WHRN: variants seen among roughly 807,000 people sequenced by gnomAD.
WHRN encodes CASK-interacting protein CIP98.
Under a neutral mutation model 68.3 loss-of-function variants are expected in WHRN, and 41 were observed. The ratio of observed to expected loss-of-function variants is 0.60; its 90% confidence interval spans 0.47 to 0.78. The LOEUF is 0.78. Ranked by LOEUF, WHRN falls within the 30% of genes least tolerant of loss-of-function variation. WHRN has a pLI of 0.00. For missense variants in WHRN, 1,243 were observed against 1,244.7 expected (o/e 1.00, Z 0.02); for synonymous variants, 560 against 561.3 (o/e 1.00, Z 0.03).
chr9:114,414,528 T>C (rs2132270814), intron 7 of WHRN, among the ~76,000 whole-genome samples: 1 of 152,298 alleles, frequency 6.6e-6, no homozygotes, highest in African/African-American at 2.4e-5. Context: ...CTTTGATAGC[T>C]TGGGAAGTCC....
At chr9:114,419,888 C>G (rs1836128391) in intron 7 of WHRN, among the ~76,000 whole-genome samples, 2 of 152,240 alleles carry the variant, frequency 1.3e-5, no homozygotes, top group South Asian at 4.1e-4. Flanking sequence ...AACCTGATGA[C>G]CTGGAAAGAC....
chr9:114,426,613 T>A (rs1283823224), intron 3 of WHRN, among the ~76,000 whole-genome samples, 200 bp from the exon 4 acceptor site: 1 of 152,192 alleles, frequency 6.6e-6, no homozygotes. Context: ...CCAGAGTCCA[T>A]GCTCTTGTCA....
At position 114,490,242 on chromosome 9, in the gene WHRN, T is replaced by C. The variant is rs150812211; in HGVS notation, c.619-11471A>G. On this transcript the variant is annotated intron_variant, in intron 1 of 11. Transcript: ENST00000362057. Reference sequence around the variant, plus strand: ...AAATGCAGCCCAACATAAGGATCATTAAACGCAATGACAACATACGTCAAA... The same window carrying C: ...AAATGCAGCCCAACATAAGGATCATCAAACGCAATGACAACATACGTCAAA... 6.3e-3 allele frequency among the ~76,000 whole-genome samples: 957 copies of C among 152,282 alleles called. 6 individuals carry two copies. Among genetic ancestry groups the C allele is most frequent in the African/African-American group, 0.022 (908 of 41,548 alleles).
chr9:114,409,159 C>T (rs1589070574), intron 7 of WHRN, among the ~76,000 whole-genome samples: 1 of 152,232 alleles, frequency 6.6e-6, no homozygotes, highest in African/African-American at 2.4e-5. Context: ...GCTACATCAA[C>T]ACTTGGCTGA....
intron 3 of WHRN, among the ~76,000 whole-genome samples, chr9:114,432,228 G>A (rs543844889): frequency 2.6e-5 from 4 of 152,216 alleles, no homozygotes; most frequent in African/African-American, 7.2e-5. Flanking sequence ...AGAGCACGGC[G>A]GGGCTTCAAT....
At chr9:114,503,617 C>T (rs2133463607) in intron 1 of WHRN, 1 of 153,386 alleles carries the variant, frequency 6.5e-6, no homozygotes, top group South Asian at 2.0e-4. Context: ...TTAGGGACCG[C>T]TTATTTGGTC....
chr9:114,491,834 G>C (rs1427306822), intron 1 of WHRN: 2 of 262,630 alleles, frequency 7.6e-6, no homozygotes, highest in Non-Finnish European at 1.5e-5. Context: ...GGGCCCACAA[G>C]TCCCAGCCCT....
At chr9:114,499,923 C>A (rs1843782208) in intron 1 of WHRN, among the ~76,000 whole-genome samples, 1 of 152,160 alleles carries the variant, frequency 6.6e-6, no homozygotes, top group Non-Finnish European at 1.5e-5. Flanking sequence ...GGTTCTATAT[C>A]TCTTTCATGT....
intron 1 of WHRN, among the ~76,000 whole-genome samples, chr9:114,488,047 G>C (rs1842685589): frequency 2.0e-5 from 3 of 152,204 alleles, no homozygotes; most frequent in Admixed American, 2.0e-4. Context: ...TGGTGTCTTA[G>C]GGTGCGAACT....
At chr9:114,446,582 A>C (rs989566054) in intron 3 of WHRN, among the ~76,000 whole-genome samples, 1 of 152,156 alleles carries the variant, frequency 6.6e-6, no homozygotes, top group African/African-American at 2.4e-5. Flanking sequence ...TACTTTCTGC[A>C]TGTGTTTGTG....
chr9:114,405,460 G>A (rs1474290467), intron 9 of WHRN, among the ~76,000 whole-genome samples: 1 of 152,192 alleles, frequency 6.6e-6, no homozygotes, highest in Non-Finnish European at 1.5e-5. Context: ...CTACTGGGAG[G>A]ATTAAATGAG....
intron 3 of WHRN, among the ~76,000 whole-genome samples, chr9:114,430,835 C>T (rs2132464810): frequency 6.6e-6 from 1 of 152,340 alleles, no homozygotes; most frequent in African/African-American, 2.4e-5. Flanking sequence ...CCTCTCCTGT[C>T]TCTTCTTCCT....
chr9:114,505,021 A>C lies in WHRN; in HGVS notation c.-220T>G. 2 of 571,254 alleles carry C rather than the reference A, an allele frequency of 3.5e-6. No individual in the cohort carries two copies. The highest frequency in any genetic ancestry group is 2.0e-5 in the African/African-American group (1 of 50,734). The allele number at this position is 571,254 out of a possible 1,614,324, so 35.4% of individuals were successfully genotyped here. A position where few individuals can be genotyped will look rare whatever the true frequency, so the allele number is the denominator to read the frequency against. Reference sequence around the variant, plus strand: ...AGACGGCGGGGGTCGCGAACCTGGAATCCGGGGGACGCGGAGACGTCGGCG... The same window carrying C: ...AGACGGCGGGGGTCGCGAACCTGGACTCCGGGGGACGCGGAGACGTCGGCG... On this transcript the variant is annotated 5_prime_UTR_variant, in exon 1 of 12. Transcript: ENST00000362057.
intron 3 of WHRN, among the ~76,000 whole-genome samples, chr9:114,439,839 G>GT (rs1432301557): frequency 6.6e-6 from 1 of 152,160 alleles, no homozygotes; most frequent in Admixed American, 6.5e-5. Flanking sequence ...TAAGAAAAAG[G>GT]TATGTCATGA....
rs1295366771 is a variant in WHRN, at chr9:114,466,256, C to G, written c.963+11G>C. On this transcript the variant is annotated intron_variant, in intron 3 of 11. Transcript: ENST00000362057. ...TGCACAGAGTTTTCCCTCCCTCAGG[C>G]CCTCCCTCACCTTGAGCCCGCTGCC... is the stretch of plus-strand genomic sequence containing the variant. 2 of 1,613,738 alleles carry G rather than the reference C, an allele frequency of 1.2e-6. No homozygotes were observed. The highest frequency in any genetic ancestry group is 3.3e-5 in the Admixed American group (2 of 60,016).
At chr9:114,458,530 TTG>T (rs2132833334) in intron 3 of WHRN, among the ~76,000 whole-genome samples, 2 of 152,300 alleles carry the variant, frequency 1.3e-5, no homozygotes, top group Non-Finnish European at 2.9e-5. Context: ...CTGAGCATGC[TTG>T]TGTTTTCATT....
At chr9:114,501,550 T>TCA (rs1843923283) in intron 1 of WHRN, among the ~76,000 whole-genome samples, 1 of 87,846 alleles carries the variant, frequency 1.1e-5, no homozygotes, top group Non-Finnish European at 2.0e-5. Flanking sequence ...TTAATTTTTA[T>TCA]TACACACACA....
chr9:114,459,016 A>T (rs1840030576), intron 3 of WHRN, among the ~76,000 whole-genome samples: 1 of 152,198 alleles, frequency 6.6e-6, no homozygotes, highest in East Asian at 1.9e-4. Flanking sequence ...CACAACAAGG[A>T]GGTGGTGGAG....
intron 3 of WHRN, among the ~76,000 whole-genome samples, chr9:114,444,840 A>C (rs1351562845): frequency 6.6e-6 from 1 of 151,776 alleles, no homozygotes; most frequent in Admixed American, 6.6e-5. Context: ...TAAATGCTAA[A>C]ATGTTATGGA....
Sources: allele counts gnomAD v4.1 joint callset (sites outside exome capture counted in the v4.1 genomes callset), GRCh38; gene constraint gnomAD v4.1.1; transcripts MANE v1.5; gene names NCBI Gene and HGNC (gene_info 2026-07-23, HGNC 2026-07-21).